CACNA1C: variants seen among roughly 807,000 people sequenced by gnomAD.
CACNA1C encodes the protein voltage-dependent L-type calcium channel subunit alpha-1C.
CACNA1C carries 30 observed loss-of-function variants against 229.0 expected under a neutral mutation model. The ratio of observed to expected loss-of-function variants is 0.13; its 90% confidence interval spans 0.10 to 0.18. CACNA1C has a LOEUF of 0.18. Among genes scored for constraint, CACNA1C ranks in the 10% least tolerant of loss-of-function variants. The pLI is 1.00. For missense variants in CACNA1C, 1,658 were observed against 2,845.0 expected, an observed-to-expected ratio of 0.58 and a Z score of 9.49; for synonymous variants, 1,114 against 1,132.5, an observed-to-expected ratio of 0.98 and a Z score of 0.33.
intron 3 of CACNA1C, among the ~76,000 whole-genome samples, chr12:2,444,225 G>C (rs944947253): frequency 1.3e-5 from 2 of 152,206 alleles, no homozygotes; most frequent in African/African-American, 4.8e-5. Flanking sequence ...TGGCTTGAAG[G>C]TCAGAAAGTC....
chr12:2,043,198 A>G (rs575621808), intron 1 of CACNA1C, among the ~76,000 whole-genome samples: 3 of 152,368 alleles, frequency 2.0e-5, no homozygotes, highest in Non-Finnish European at 4.4e-5. Context: ...AGTCAATTCA[A>G]TGCATCAGAA....
intron 11 of CACNA1C, among the ~76,000 whole-genome samples, chr12:2,565,745 A>C (rs1449651769): frequency 6.6e-6 from 1 of 152,232 alleles, no homozygotes; most frequent in South Asian, 2.1e-4. Flanking sequence ...TGAAAGGCAG[A>C]TCTAAACATT....
chr12:2,580,438 G>A (rs1043767487), intron 13 of CACNA1C, among the ~76,000 whole-genome samples: 2 of 152,202 alleles, frequency 1.3e-5, no homozygotes, highest in African/African-American at 2.4e-5. Flanking sequence ...GCAATCCACT[G>A]TCTGGATTGG....
At chr12:2,606,546 T>A in intron 24 of CACNA1C, 65 bp from the exon 25 acceptor site, 1 of 1,331,102 alleles carries the variant, frequency 7.5e-7, no homozygotes, top group Non-Finnish European at 1.1e-6. Context: ...AGATGCTCAC[T>A]AATTGCTTTT....
chr12:2,591,282 C>T (rs1436849442), intron 18 of CACNA1C, among the ~76,000 whole-genome samples: 1 of 152,116 alleles, frequency 6.6e-6, no homozygotes, highest in Non-Finnish European at 1.5e-5. Context: ...AGAGGCACAG[C>T]TGTGTCCATG....
intron 3 of CACNA1C, among the ~76,000 whole-genome samples, chr12:2,350,920 A>G (rs10848649): frequency 0.24 from 36,607 of 152,106 alleles, 4,532 homozygotes; most frequent in Admixed American, 0.26. Flanking sequence ...GATGATGGAG[A>G]AGCCCTTGGA....
intron 9 of CACNA1C, chr12:2,547,622 CTG>C (rs1197377367): frequency 2.7e-6 from 2 of 727,594 alleles, no homozygotes; most frequent in African/African-American, 3.4e-5. Context: ...CGCAGTAGTT[CTG>C]TGTGTGTGCA....
At chr12:2,505,982 C>T (rs978717516) in intron 8 of CACNA1C, among the ~76,000 whole-genome samples, 1 of 152,060 alleles carries the variant, frequency 6.6e-6, no homozygotes, top group African/African-American at 2.4e-5. Context: ...TCCACTTTCC[C>T]CCAGTACCTA....
chr12:2,293,485 G>A (rs1036663639), intron 3 of CACNA1C, among the ~76,000 whole-genome samples: 1 of 152,152 alleles, frequency 6.6e-6, no homozygotes, highest in African/African-American at 2.4e-5. Flanking sequence ...ATGGGCCACT[G>A]GCCACACGTG....
In CACNA1C at chr12:2,272,973, A is replaced by C. The variant is rs181344426; in HGVS notation, c.477+152543A>C. Reference sequence around the variant, plus strand: ...ACAGTTTAATTTTGTCCGCGTTAGAAGGTCCCAGTGATATCTTTGCTTCTT... The same window carrying C: ...ACAGTTTAATTTTGTCCGCGTTAGACGGTCCCAGTGATATCTTTGCTTCTT... On this transcript the variant is annotated intron_variant, in intron 3 of 46. Transcript: ENST00000399655. Among the ~76,000 whole-genome samples the C allele has an allele frequency of 2.3e-3, 344 of 152,352 alleles. 1 individual carries two copies. Among genetic ancestry groups the C allele is most frequent in the Middle Eastern group, 3.4e-3 (1 of 294 alleles).
intron 3 of CACNA1C, among the ~76,000 whole-genome samples, chr12:2,185,682 C>A (rs552582877): frequency 6.6e-6 from 1 of 152,358 alleles, no homozygotes; most frequent in South Asian, 2.1e-4. Context: ...ACCCTGCTGG[C>A]ACCTTGATCT....
intron 1 of CACNA1C, among the ~76,000 whole-genome samples, chr12:2,056,271 C>T (rs941842449): frequency 6.6e-6 from 1 of 150,582 alleles, no homozygotes; most frequent in Non-Finnish European, 1.5e-5. Flanking sequence ...AGGTCAGTGC[C>T]TGGGAACAGC....
At chr12:2,622,184 C>A (rs1186407767) in intron 29 of CACNA1C, among the ~76,000 whole-genome samples, 1 of 152,184 alleles carries the variant, frequency 6.6e-6, no homozygotes, top group Non-Finnish European at 1.5e-5. Context: ...GTCCTCCAGG[C>A]CTTCTAGAAA....
At chr12:2,018,025 C>T (rs1158858090) in intron 1 of CACNA1C, among the ~76,000 whole-genome samples, 1 of 152,178 alleles carries the variant, frequency 6.6e-6, no homozygotes, top group Non-Finnish European at 1.5e-5. Context: ...GCTCAAGGGA[C>T]ACAGGAAAAC....
At chr12:2,166,669 T>G (rs2096250290) in intron 3 of CACNA1C, among the ~76,000 whole-genome samples, 1 of 152,198 alleles carries the variant, frequency 6.6e-6, no homozygotes, top group Admixed American at 6.5e-5. Context: ...GAGGACTAAA[T>G]GGGTTAGTAT....
At chr12:2,398,432 A>G (rs919570773) in intron 3 of CACNA1C, among the ~76,000 whole-genome samples, 1 of 152,236 alleles carries the variant, frequency 6.6e-6, no homozygotes, top group African/African-American at 2.4e-5. Context: ...CTGTGGAAGC[A>G]AAGGGCAGCA....
At chr12:2,250,886 C>T (rs1253389559) in intron 3 of CACNA1C, among the ~76,000 whole-genome samples, 2 of 152,182 alleles carry the variant, frequency 1.3e-5, no homozygotes, top group African/African-American at 4.8e-5. Context: ...CTGTCCTCTC[C>T]CTAACCAGCC....
At chr12:2,271,249 C>T (rs2084857250) in intron 3 of CACNA1C, among the ~76,000 whole-genome samples, 1 of 152,214 alleles carries the variant, frequency 6.6e-6, no homozygotes, top group South Asian at 2.1e-4. Flanking sequence ...TGTGTTTCTA[C>T]TTCCCAGTTT....
intron 9 of CACNA1C, among the ~76,000 whole-genome samples, chr12:2,528,152 C>T (rs1397593266): frequency 6.6e-6 from 1 of 152,184 alleles, no homozygotes; most frequent in Non-Finnish European, 1.5e-5. Context: ...GTGTGCTATA[C>T]AGGAACTAAC....
Sources: allele counts gnomAD v4.1 joint callset (sites outside exome capture counted in the v4.1 genomes callset), GRCh38; gene constraint gnomAD v4.1.1; transcripts MANE v1.5; gene names NCBI Gene and HGNC (gene_info 2026-07-23, HGNC 2026-07-21).